Variants in DACH1 observed in about 807,000 individuals in gnomAD.
DACH1 encodes dachshund homolog 1.
DACH1 carries 12 observed loss-of-function variants against 54.2 expected under a neutral mutation model. That is an observed-to-expected ratio of 0.22 (90% CI 0.14 to 0.36). The LOEUF (loss-of-function observed/expected upper bound fraction) is 0.36, where lower values mean the gene tolerates loss of function less well. Ranked by LOEUF, DACH1 falls within the 10% of genes least tolerant of loss-of-function variation. DACH1 has a pLI of 1.00. For synonymous variants in DACH1, 386 were observed against 366.2 expected (o/e 1.05, Z -0.62); for missense variants, 805 against 929.8 (o/e 0.87, Z 1.75).
chr13:71,510,187 T>G (rs1456998678), intron 6 of DACH1, among the ~76,000 whole-genome samples: 1 of 152,066 alleles, frequency 6.6e-6, no homozygotes, highest in African/African-American at 2.4e-5. Context: ...TTCATTCTTA[T>G]CTAGTCCTTT....
rs190406334 is a variant in DACH1, at chr13:71,848,343, G to C, written c.848+17579C>G. 1.2e-4 allele frequency among the ~76,000 whole-genome samples: 18 copies of C among 152,106 alleles called. No homozygotes were observed. The South Asian group carries it at 3.7e-3, about 32-fold the overall frequency. On this transcript the variant is annotated intron_variant, in intron 1 of 10. Transcript: ENST00000613252. ...TAGTGTTAATACAATTTTAATAAAC[G>C]TTATATGTATATAAGGACTTTGTAA... is the stretch of plus-strand genomic sequence containing the variant.
At chr13:71,748,892 T>TCTCTCTCTCTCTC (rs1566476816) in intron 1 of DACH1, among the ~76,000 whole-genome samples, 1 of 104,406 alleles carries the variant, frequency 9.6e-6, no homozygotes, top group Non-Finnish European at 1.7e-5. Context: ...CTTTCTTTCT[T>TCTCTCTCTCTCTC]TCTTTCTCTT....
Position 71,642,824 on chromosome 13 carries a change from C to T in DACH1, c.965-12107G>A, listed in dbSNP as rs367650983. Among the ~76,000 whole-genome samples the T allele has an allele frequency of 2.3e-4, 35 of 152,070 alleles. No individual in the cohort carries two copies. The South Asian group carries it at 6.9e-3, about 30-fold the overall frequency. On this transcript the variant is annotated intron_variant, in intron 2 of 10. Coordinates refer to ENST00000613252, the MANE Select transcript of DACH1 (RefSeq NM_080759.6). ...TCACTTGAGGTCAGGAGTTCGAGAC[C>T]AGCCTGGCCAACACAGTGAAACCCA... is the stretch of plus-strand genomic sequence containing the variant.
rs1030457699 is a variant in DACH1 at position 71,511,866 on chromosome 13, CT to C, written c.1571-22719del. On this transcript the variant is annotated intron_variant, in intron 6 of 10. Coordinates refer to ENST00000613252, the MANE Select transcript of DACH1 (RefSeq NM_080759.6). Reference sequence around the variant, plus strand: ...AAGGAGTAATACAAGGCATATTAAGCTAGGAGATTTAACAAACAGAAACTCA... The same window carrying C: ...AAGGAGTAATACAAGGCATATTAAGCAGGAGATTTAACAAACAGAAACTCA... 2.4e-4 allele frequency among the ~76,000 whole-genome samples: 36 copies of C among 151,980 alleles called. 1 individual carries two copies. Among genetic ancestry groups the C allele is most frequent in the Admixed American group, 2.2e-3 (33 of 15,226 alleles).
At chr13:71,621,712 T>G (rs998930046) in intron 3 of DACH1, among the ~76,000 whole-genome samples, 9 of 152,050 alleles carry the variant, frequency 5.9e-5, no homozygotes, top group African/African-American at 2.2e-4. Flanking sequence ...TTGCTTATCA[T>G]GCTGTGAAAT....
At chr13:71,849,587 T>C (rs1289986101) in intron 1 of DACH1, among the ~76,000 whole-genome samples, 1 of 152,184 alleles carries the variant, frequency 6.6e-6, no homozygotes, top group South Asian at 2.1e-4. Context: ...GGAATCATTA[T>C]AGGAAGCTAC....
chr13:71,637,954 A>T lies in DACH1; in HGVS notation c.965-7237T>A, dbSNP rs74396283. 5.1e-3 allele frequency among the ~76,000 whole-genome samples: 777 copies of T among 152,318 alleles called. 6 individuals carry two copies. The highest frequency in any genetic ancestry group is 0.017 in the African/African-American group (701 of 41,576). On this transcript the variant is annotated intron_variant, in intron 2 of 10. Transcript: ENST00000613252. ...CAATCTTTGATCTTTGGTTTCAAAG[A>T]CATCAAGATGACTTCCAAATGTTTG...
intron 1 of DACH1, among the ~76,000 whole-genome samples, chr13:71,780,774 C>A (rs1340851630): frequency 6.6e-6 from 1 of 152,048 alleles, no homozygotes; most frequent in Admixed American, 6.6e-5. Flanking sequence ...TTCTTTCCTG[C>A]CTTTTTAATG....
At chr13:71,499,409 G>T (rs1267753249) in intron 6 of DACH1, among the ~76,000 whole-genome samples, 3 of 152,096 alleles carry the variant, frequency 2.0e-5, no homozygotes, top group Non-Finnish European at 2.9e-5. Context: ...GCACAGTAGG[G>T]CCATTAAGTG....
chr13:71,531,732 T>C (rs868154969), intron 6 of DACH1, among the ~76,000 whole-genome samples: 26 of 152,028 alleles, frequency 1.7e-4, no homozygotes, highest in Non-Finnish European at 3.8e-4. Context: ...CTGAGTAATT[T>C]TGTTATTAAT....
At chr13:71,758,397 C>T (rs1885256583) in intron 1 of DACH1, among the ~76,000 whole-genome samples, 1 of 152,108 alleles carries the variant, frequency 6.6e-6, no homozygotes, top group African/African-American at 2.4e-5. Flanking sequence ...GAGTGAGAAC[C>T]TGGAAACAAA....
intron 1 of DACH1, 137 bp downstream of exon 1, chr13:71,865,785 G>T: frequency 7.8e-7 from 1 of 1,276,994 alleles, no homozygotes; most frequent in Non-Finnish European, 9.9e-7. Flanking sequence ...CCCGAGCAGG[G>T]AGAGGAGAGG....
At chr13:71,595,343 T>C (rs1268218445) in intron 3 of DACH1, among the ~76,000 whole-genome samples, 1 of 152,088 alleles carries the variant, frequency 6.6e-6, no homozygotes, top group Non-Finnish European at 1.5e-5. Context: ...TCACTGATTA[T>C]GAAATAGGAA....
In DACH1 at chr13:71,577,286, G is replaced by A. The variant is rs113021993; in HGVS notation, c.1127-4274C>T. ...TTAAGCAGAAATCTAGCTACCAAAC[G>A]AGGTGGAAACATCCGCAATCCTTGA... On this transcript the variant is annotated intron_variant, in intron 3 of 10. Coordinates refer to ENST00000613252, the MANE Select transcript of DACH1 (RefSeq NM_080759.6). 5.0e-3 allele frequency among the ~76,000 whole-genome samples: 754 copies of A among 152,200 alleles called. 3 individuals carry two copies. Among genetic ancestry groups the A allele is most frequent in the Non-Finnish European group, 8.0e-3 (545 of 68,010 alleles).
At chr13:71,532,209 T>C (rs892152920) in intron 6 of DACH1, among the ~76,000 whole-genome samples, 5 of 151,982 alleles carry the variant, frequency 3.3e-5, no homozygotes, top group Non-Finnish European at 7.4e-5. Flanking sequence ...AATAGTTCTT[T>C]GGGGTTTTCA....
rs552808622 is a variant in DACH1 at position 71,519,883 on chromosome 13, G to GTGTATATATA, written c.1571-30736_1571-30735insTATATATACA. On this transcript the variant is annotated intron_variant, in intron 6 of 10. Coordinates refer to ENST00000613252, the MANE Select transcript of DACH1 (RefSeq NM_080759.6). ...AGATGTTTGTGTCCAAACCAAAGTA[G>GTGTATATATA]TATATATATATATATATATATATAT... Among the ~76,000 whole-genome samples the GTGTATATATA allele has an allele frequency of 5.0e-3, 146 of 29,352 alleles. 26 individuals carry two copies. Among genetic ancestry groups the GTGTATATATA allele is most frequent in the Non-Finnish European group, 0.012 (124 of 10,180 alleles). The allele number at this position is 29,352 out of a possible 152,430, so 19.3% of individuals were successfully genotyped here.
intron 3 of DACH1, among the ~76,000 whole-genome samples, chr13:71,605,719 C>T (rs1458146544): frequency 6.6e-6 from 1 of 151,860 alleles, no homozygotes; most frequent in Non-Finnish European, 1.5e-5. Flanking sequence ...ATAAGTCTTA[C>T]TTTTATTATG....
chr13:71,630,627 A>T lies in DACH1; in HGVS notation c.1055T>A (p.Met352Lys), dbSNP rs903949651. ...MKVKKIKLEA[M>K]SNYHASNNQH... Reference sequence around the variant, plus strand: ...GTTATTACTGGCATGATAGTTGCTCATGGCTTCTAATTTGATTTTTTTCAC... The same window carrying T: ...GTTATTACTGGCATGATAGTTGCTCTTGGCTTCTAATTTGATTTTTTTCAC... Residue 352 changes from methionine (M) to lysine (K), a missense_variant, in exon 3 of 11, where the codon ATG (methionine) becomes AAG (lysine). Physicochemically the swap from Met to Lys is moderately conservative, Grantham distance 95 (BLOSUM62 -1). Transcript: ENST00000613252. The T allele has an allele frequency of 1.2e-6, 2 of 1,611,942 alleles. No individual in the cohort carries two copies. Among genetic ancestry groups the T allele is most frequent in the African/African-American group, 1.3e-5 (1 of 74,810 alleles).
intron 2 of DACH1, among the ~76,000 whole-genome samples, chr13:71,645,526 G>T (rs1878205317): frequency 1.3e-5 from 2 of 152,168 alleles, no homozygotes; most frequent in African/African-American, 4.8e-5. Flanking sequence ...GGTATCTCAA[G>T]TCTAATTCTT....
Sources: gnomAD v4.1 joint callset for allele counts (sites outside exome capture counted in the v4.1 genomes callset) on GRCh38, gnomAD v4.1.1 for gene constraint, MANE v1.5 for transcripts, NCBI Gene and HGNC (gene_info 2026-07-23, HGNC 2026-07-21) for gene names.